The following DGKD variants were observed in gnomAD, a reference collection of about 807,000 sequenced individuals.
DGKD encodes diacylglycerol kinase delta.
Under a neutral mutation model 154.4 loss-of-function variants are expected in DGKD, and 68 were observed. The ratio of observed to expected loss-of-function variants is 0.44; its 90% confidence interval spans 0.36 to 0.54. The LOEUF (loss-of-function observed/expected upper bound fraction) is 0.54. DGKD is among the 20% of genes least tolerant of loss of function. DGKD has a pLI of 0.00. For missense variants in DGKD, 1,343 were observed against 1,593.6 expected (o/e 0.84, Z 2.68); for synonymous variants, 693 against 638.0 (o/e 1.09, Z -1.30).
chr2:233,466,157 A>AAATGT, intron 27 of DGKD, among the ~76,000 whole-genome samples: 1 of 151,702 alleles, frequency 6.6e-6, no homozygotes, highest in South Asian at 2.1e-4. Context: ...TAGTCCTTTG[A>AAATGT]AATGTACTGA....
chr2:233,370,074 A>G (rs555817571), intron 1 of DGKD, among the ~76,000 whole-genome samples: 1 of 151,982 alleles, frequency 6.6e-6, no homozygotes, highest in African/African-American at 2.4e-5. Context: ...ACCTCTATCT[A>G]GTTTGGGAAC....
At chr2:233,464,356 G>T (rs1308172545) in intron 27 of DGKD, 73 bp downstream of exon 27, 1 of 1,572,684 alleles carries the variant, frequency 6.4e-7, no homozygotes, top group Admixed American at 1.7e-5. Context: ...TGTGTTCCTT[G>T]TGACCCGTGT....
chr2:233,433,578 G>A (rs1015283760), intron 3 of DGKD, among the ~76,000 whole-genome samples: 1 of 152,110 alleles, frequency 6.6e-6, no homozygotes, highest in Non-Finnish European at 1.5e-5. Flanking sequence ...ATAACTCAGA[G>A]TATACTTGGA....
chr2:233,364,766 G>A (rs557372680), intron 1 of DGKD, among the ~76,000 whole-genome samples: 1 of 152,322 alleles, frequency 6.6e-6, no homozygotes, highest in South Asian at 2.1e-4. Flanking sequence ...TGAAATCCCA[G>A]TATGTCAGTA....
intron 3 of DGKD, among the ~76,000 whole-genome samples, chr2:233,411,219 G>A (rs763359943): frequency 1.3e-5 from 2 of 152,106 alleles, no homozygotes; most frequent in South Asian, 2.1e-4. Context: ...AAGTGGAATC[G>A]CTGGATCATA....
chr2:233,399,757 C>T (rs140915399), intron 3 of DGKD, among the ~76,000 whole-genome samples: 1,806 of 152,186 alleles, frequency 0.012, 19 homozygotes, highest in Non-Finnish European at 0.018. Flanking sequence ...GCGAGATCTG[C>T]AGGGAAGAGT....
At chr2:233,428,499 G>A (rs982634541) in intron 3 of DGKD, among the ~76,000 whole-genome samples, 4 of 152,186 alleles carry the variant, frequency 2.6e-5, no homozygotes, top group Non-Finnish European at 5.9e-5. Context: ...AGGTAGCACC[G>A]ATAGTGACAG....
intron 3 of DGKD, among the ~76,000 whole-genome samples, chr2:233,409,466 A>G (rs2061768358): frequency 6.6e-6 from 1 of 151,538 alleles, no homozygotes; most frequent in Non-Finnish European, 1.5e-5. Flanking sequence ...GTATGCTTTT[A>G]AATGTGTCAC....
intron 1 of DGKD, among the ~76,000 whole-genome samples, chr2:233,369,482 GCATCTTAGGACAAGAATCA>G (rs1316230710): frequency 6.6e-6 from 1 of 152,150 alleles, no homozygotes; most frequent in African/African-American, 2.4e-5. Flanking sequence ...ACGTCTTCCT[GCATCTTAGGACAAGAATCA>G]CATCTTTTCT....
intron 3 of DGKD, among the ~76,000 whole-genome samples, chr2:233,423,953 A>C (rs2062205280): frequency 6.6e-6 from 1 of 151,910 alleles, no homozygotes; most frequent in Non-Finnish European, 1.5e-5. Flanking sequence ...TCTTCTCTCT[A>C]CCTTTCAGGG....
chr2:233,384,438 G>A (rs1703064274), intron 1 of DGKD, among the ~76,000 whole-genome samples: 1 of 152,036 alleles, frequency 6.6e-6, no homozygotes, highest in East Asian at 1.9e-4. Flanking sequence ...GGGGCCCTTG[G>A]CAAGGCATCT....
chr2:233,413,023 G>A (rs1410363783), intron 3 of DGKD, among the ~76,000 whole-genome samples: 17 of 152,214 alleles, frequency 1.1e-4, no homozygotes, highest in Middle Eastern at 3.4e-3. Context: ...ATTCATGAAG[G>A]TATTGATCTG....
chr2:233,470,036 G>C lies in DGKD; in HGVS notation c.*576G>C, dbSNP rs1011451131. The C allele has an allele frequency of 6.6e-6, 1 of 152,402 alleles. No homozygotes were observed. The highest frequency in any genetic ancestry group is 1.5e-5 in the Non-Finnish European group (1 of 68,062). The allele number at this position is 152,402 out of a possible 1,614,324, so 9.4% of individuals were successfully genotyped here. A position where few individuals can be genotyped will look rare whatever the true frequency, so the allele number is the denominator to read the frequency against. On this transcript the variant is annotated 3_prime_UTR_variant, in exon 30 of 30. Coordinates refer to ENST00000264057, the MANE Select transcript of DGKD (RefSeq NM_152879.3). ...TTTCCAGTCTTGTTGATTGTAATTT[G>C]ACGTGAAGAGAAAAAAAAATTCCTC...
At position 233,451,034 on chromosome 2, in the gene DGKD, C is replaced by A; in HGVS notation, c.2151C>A (p.Thr717=). The A allele has an allele frequency of 6.2e-7, 1 of 1,611,234 alleles. No homozygotes were observed. Among genetic ancestry groups the A allele is most frequent in the Non-Finnish European group, 8.5e-7 (1 of 1,177,582 alleles). ...GSRDGLPALN[T]KILYPNVRAG... is the part of the protein sequence containing the mutation. ...GGGACGGCCTGCCTGCGCTCAACACCAAGATCCTGTACCCAAGTGAGTGGC... is the reference window on the plus strand; with the variant it reads ...GGGACGGCCTGCCTGCGCTCAACACAAAGATCCTGTACCCAAGTGAGTGGC... The change falls in exon 17 of 30, where the codon ACC becomes ACA. Residue 717 remains threonine, a synonymous_variant. Transcript: ENST00000264057.
chr2:233,467,274 C>T (rs1273813962), intron 28 of DGKD, 71 bp downstream of exon 28: 6 of 1,111,714 alleles, frequency 5.4e-6, no homozygotes, highest in Non-Finnish European at 8.3e-6. Flanking sequence ...CCCCTGGTCT[C>T]TGCTTTCTCC....
Position 233,462,413 on chromosome 2 carries a change from G to T in DGKD, c.3047G>T (p.Ser1016Ile). 1 of 1,603,918 alleles carries T rather than the reference G, an allele frequency of 6.2e-7. No homozygotes were observed. Among genetic ancestry groups the T allele is most frequent in the Non-Finnish European group, 8.5e-7 (1 of 1,171,922 alleles). The change falls in exon 25 of 30, where the codon AGC (serine) becomes ATC (isoleucine). Residue 1016 changes from serine to isoleucine, a missense_variant. Transcript: ENST00000264057. ...EQELAHAVNA[S>I]SKSMDRVYGK... ...GAACTGGCCCACGCCGTCAATGCCA[G>T]CTCCAAGTCCATGGACCGTGTGTAT...
chr2:233,398,349 G>A (rs561001559), intron 3 of DGKD, among the ~76,000 whole-genome samples: 10 of 151,902 alleles, frequency 6.6e-5, no homozygotes, highest in Non-Finnish European at 1.2e-4. Flanking sequence ...GTTTCACAGC[G>A]TTAGCCAGGA....
chr2:233,398,147 ATT>A (rs113629894), intron 3 of DGKD, among the ~76,000 whole-genome samples: 1 of 119,518 alleles, frequency 8.4e-6, no homozygotes, highest in Non-Finnish European at 1.7e-5. Context: ...GAAAGGTAAA[ATT>A]TTTTTTTTTT....
intron 3 of DGKD, among the ~76,000 whole-genome samples, chr2:233,403,828 G>C (rs1319860279): frequency 6.6e-6 from 1 of 151,992 alleles, no homozygotes; most frequent in Non-Finnish European, 1.5e-5. Context: ...TTTTAGTAGA[G>C]ACGGGGTTTC....
Sources: allele counts gnomAD v4.1 joint callset (sites outside exome capture counted in the v4.1 genomes callset), GRCh38; gene constraint gnomAD v4.1.1; transcripts MANE v1.5; gene names NCBI Gene and HGNC (gene_info 2026-07-23, HGNC 2026-07-21).